The following TTC34 variants were observed in gnomAD, a reference collection of about 807,000 sequenced individuals.
TTC34 encodes tetratricopeptide repeat protein 34.
TTC34 carries 44 observed loss-of-function variants against 40.7 expected under a neutral mutation model. The observed-to-expected ratio is 1.08, with a 90% CI of 0.85 to 1.39. The LOEUF (loss-of-function observed/expected upper bound fraction) is 1.39, where lower values mean the gene tolerates loss of function less well. Among genes scored for constraint, TTC34 ranks in the 40% most tolerant of loss-of-function variants. The pLI is 0.00. For synonymous variants in TTC34, 422 were observed against 398.6 expected (o/e 1.06, Z -0.70); for missense variants, 884 against 838.0 (o/e 1.05, Z -0.68).
intron 8 of TTC34, 102 bp downstream of exon 8, chr1:2,644,162 C>G: frequency 1.6e-6 from 2 of 1,232,754 alleles, no homozygotes; most frequent in Non-Finnish European, 2.2e-6. Flanking sequence ...TCAACCCAAC[C>G]GCAGAGAGTG....
At chr1:2,800,663 C>T (rs1643761850) in exon 2 of TTC34, 1 of 398,418 alleles carries the variant, frequency 2.5e-6, no homozygotes, top group Admixed American at 4.4e-5. Flanking sequence ...CCACCGCCGC[C>T]CCCCGAGCCT....
intron 6 of TTC34, among the ~76,000 whole-genome samples, chr1:2,687,975 G>C (rs1454445014): frequency 1.4e-5 from 2 of 138,888 alleles, no homozygotes; most frequent in African/African-American, 5.9e-5. Context: ...ACCCCCAGGA[G>C]AGCATCTGAC....
intron 6 of TTC34, among the ~76,000 whole-genome samples, chr1:2,686,636 C>G (rs1194236312): frequency 6.8e-6 from 1 of 147,478 alleles, no homozygotes; most frequent in African/African-American, 2.6e-5. Context: ...GTAACAGCAC[C>G]CACACACCCA....
rs1273962761 is a variant in TTC34, at chr1:2,753,579, C to T, written c.2226+30030G>A. On this transcript the variant is annotated intron_variant, in intron 6 of 8. Transcript: ENST00000401095. ...ACTGCCTGGAACAGCACCCACACCCCCAGGTGAGCATCTGACATCGTGGAG... is the reference window on the plus strand; with the variant it reads ...ACTGCCTGGAACAGCACCCACACCCTCAGGTGAGCATCTGACATCGTGGAG... Among the ~76,000 whole-genome samples, 168 of 63,624 alleles carry T rather than the reference C, an allele frequency of 2.6e-3. 4 individuals are homozygous for T. Among genetic ancestry groups the T allele is most frequent in the African/African-American group, 0.013 (153 of 11,456 alleles). 41.7% of individuals were successfully genotyped at this position (63,624 alleles called of 152,430 possible).
At chr1:2,797,743 C>T (rs903230728) in intron 2 of TTC34, among the ~76,000 whole-genome samples, 5 of 151,986 alleles carry the variant, frequency 3.3e-5, no homozygotes, top group Non-Finnish European at 5.9e-5. Flanking sequence ...GTGAAGGGAC[C>T]GGGCAGGAGC....
chr1:2,699,502 G>T lies in TTC34; in HGVS notation c.2227-53939C>A, dbSNP rs1158253981. On this transcript the variant is annotated intron_variant, in intron 6 of 8. Coordinates refer to ENST00000401095, the Ensembl canonical transcript of TTC34. ...TGGAGCAGCACCCACACACCCAGGC[G>T]AGAATCTGACAGCCTGGAACACCAC... Among the ~76,000 whole-genome samples the T allele has an allele frequency of 2.9e-4, 36 of 122,696 alleles. 4 individuals are homozygous for T. The highest frequency in any genetic ancestry group is 9.3e-4 in the African/African-American group (34 of 36,698). 80.5% of individuals were successfully genotyped at this position (122,696 alleles called of 152,430 possible).
Position 2,645,684 on chromosome 1 carries a change from G to C in TTC34, c.2227-121C>G, listed in dbSNP as rs1475565288. ...CCCTGATCTTCTCCCTGGGGTCCTA[G>C]AGGGTCTGAACACCCAGCTTCCTGC... On this transcript the variant is annotated intron_variant, in intron 6 of 8. Coordinates refer to ENST00000401095, the Ensembl canonical transcript of TTC34. This position sits in a 1 kb window ranked among gnomAD's most constrained non-coding sequence, Gnocchi z 4.7. 4.5e-6 allele frequency: 5 copies of C among 1,118,246 alleles called. No individual in the cohort carries two copies. The Admixed American group carries it at 1.8e-4, about 39-fold the overall frequency. 69.3% of individuals were successfully genotyped at this position (1,118,246 alleles called of 1,614,324 possible).
intron 6 of TTC34, among the ~76,000 whole-genome samples, chr1:2,752,230 G>GCAAGGAACTTCAC: frequency 8.8e-6 from 1 of 113,274 alleles, no homozygotes; most frequent in Non-Finnish European, 1.7e-5. Flanking sequence ...GCATCTGACA[G>GCAAGGAACTTCAC]ACTGGAACAG....
intron 6 of TTC34, among the ~76,000 whole-genome samples, chr1:2,682,207 T>G (rs1304115639): frequency 2.1e-5 from 1 of 48,452 alleles, no homozygotes; most frequent in African/African-American, 6.1e-5. Flanking sequence ...CAGCATCCGA[T>G]AACCTGGAGC....
At chr1:2,754,769 G>A (rs1398711365) in intron 6 of TTC34, among the ~76,000 whole-genome samples, 4,393 of 110,498 alleles carry the variant, frequency 0.04, no homozygotes, top group African/African-American at 0.07. Context: ...GTCTGGAGCA[G>A]CACCCACACC....
intron 6 of TTC34, among the ~76,000 whole-genome samples, chr1:2,690,098 C>T (rs1451673952): frequency 2.4e-3 from 298 of 124,694 alleles, no homozygotes; most frequent in African/African-American, 8.3e-3. Flanking sequence ...AGCACCCACA[C>T]CCCCAGGTGA....
chr1:2,651,106 A>G (rs1639121146), intron 6 of TTC34, among the ~76,000 whole-genome samples: 1 of 150,778 alleles, frequency 6.6e-6, no homozygotes. Flanking sequence ...ACGGCACCCC[A>G]AACCCCCAGG....
In TTC34 at chr1:2,796,372, C is replaced by T. The variant is rs12065842; in HGVS notation, c.784+3672G>A. The stretch of plus-strand genomic sequence containing the variant: ...GAAAATTCATTTCTTCTCTTCTCAT[C>T]GTAAGCCATGCTTGTGCTGGTGCTG... On this transcript the variant is annotated intron_variant, in intron 2 of 8. Coordinates refer to ENST00000401095, the Ensembl canonical transcript of TTC34. This position sits in a 1 kb window ranked among gnomAD's most constrained non-coding sequence, Gnocchi z 4.5. Among the ~76,000 whole-genome samples the T allele has an allele frequency of 2.4e-3, 360 of 152,346 alleles. 2 individuals carry two copies. The highest frequency in any genetic ancestry group is 7.9e-3 in the African/African-American group (328 of 41,580).
intron 2 of TTC34, among the ~76,000 whole-genome samples, chr1:2,798,780 A>G: frequency 1.1e-5 from 1 of 90,656 alleles, no homozygotes. Context: ...CAAGCCTCCC[A>G]GCCCCCCAGC....
At chr1:2,752,323 ACGCAC>A in intron 6 of TTC34, among the ~76,000 whole-genome samples, 1 of 118,724 alleles carries the variant, frequency 8.4e-6, no homozygotes, top group South Asian at 3.0e-4. Flanking sequence ...CTGGAACAGC[ACGCAC>A]ACCCCCAGGT....
chr1:2,794,308 A>G (rs1008036866), intron 2 of TTC34, among the ~76,000 whole-genome samples: 3 of 152,338 alleles, frequency 2.0e-5, no homozygotes, highest in South Asian at 2.1e-4. Flanking sequence ...AGGCATGGCT[A>G]TAGGTATTCT....
At position 2,750,706 on chromosome 1, in the gene TTC34, AG is replaced by A. The variant is rs1641290469; in HGVS notation, c.2226+32902del. 1.6e-3 allele frequency among the ~76,000 whole-genome samples: 99 copies of A among 62,504 alleles called. 1 individual carries two copies. Among genetic ancestry groups the A allele is most frequent in the African/African-American group, 6.9e-3 (91 of 13,242 alleles). 41.0% of individuals were successfully genotyped at this position (62,504 alleles called of 152,430 possible). On this transcript the variant is annotated intron_variant, in intron 6 of 8. Coordinates refer to ENST00000401095, the Ensembl canonical transcript of TTC34. ...CTGCACCCCCAAGTGAGCATCCGAC[AG>A]CCTGGAGCAGCACCCACACCCCCAG...
chr1:2,751,819 G>C (rs1380162544), intron 6 of TTC34, among the ~76,000 whole-genome samples: 1 of 115,626 alleles, frequency 8.6e-6, no homozygotes, highest in African/African-American at 4.0e-5. Flanking sequence ...CCCCAGGTGA[G>C]AATCTGACAG....
chr1:2,685,747 C>T (rs1194118535), intron 6 of TTC34, among the ~76,000 whole-genome samples: 3 of 146,200 alleles, frequency 2.1e-5, no homozygotes, highest in East Asian at 4.1e-4. Flanking sequence ...TGGTCTGGAG[C>T]AGAACCCACA....
Sources: gnomAD v4.1 joint callset for allele counts (sites outside exome capture counted in the v4.1 genomes callset) on GRCh38, gnomAD v4.1.1 for gene constraint, Gnocchi (gnomAD v3.1) non-coding constraint, MANE v1.5 for transcripts, NCBI Gene and HGNC (gene_info 2026-07-23, HGNC 2026-07-21) for gene names.